GLCE: variants seen among roughly 807,000 people sequenced by gnomAD.
GLCE encodes glucuronic acid epimerase.
In GLCE, 19 loss-of-function variants were observed where a neutral mutation model predicts 47.9. The ratio of observed to expected loss-of-function variants is 0.40; its 90% CI spans 0.28 to 0.58. The LOEUF (loss-of-function observed/expected upper bound fraction) is 0.58, where lower values mean the gene tolerates loss of function less well. Ranked by LOEUF, GLCE falls within the 20% of genes least tolerant of loss-of-function variation. GLCE has a pLI of 0.48. For missense variants in GLCE, 556 were observed against 743.3 expected, an observed-to-expected ratio of 0.75 and a Z score of 2.93; for synonymous variants, 245 against 263.4, an observed-to-expected ratio of 0.93 and a Z score of 0.68.
chr15:69,164,196 T>A (rs919396282), intron 1 of GLCE, among the ~76,000 whole-genome samples: 1 of 152,136 alleles, frequency 6.6e-6, no homozygotes, highest in Non-Finnish European at 1.5e-5. Context: ...ATATTTTGCT[T>A]GTGAAGCATA....
chr15:69,167,494 C>A (rs1194079590), intron 1 of GLCE, among the ~76,000 whole-genome samples: 4 of 152,160 alleles, frequency 2.6e-5, no homozygotes, highest in Non-Finnish European at 5.9e-5. Flanking sequence ...GTTTACTGAT[C>A]TTATGCCTGC....
In GLCE at chr15:69,223,321, G is replaced by A. The variant is rs149214105; in HGVS notation, c.-14+12915G>A. 2.6e-4 allele frequency among the ~76,000 whole-genome samples: 40 copies of A among 152,090 alleles called. 1 individual carries two copies. The South Asian group carries it at 6.2e-3, about 24-fold the overall frequency. ...TTCACCTTTGAAGGACACTTTTGCC[G>A]GATATAGGATTCTTGTTTGACAGAT... On this transcript the variant is annotated intron_variant, in intron 2 of 4. Coordinates refer to ENST00000261858, the MANE Select transcript of GLCE (RefSeq NM_015554.3).
At chr15:69,243,668 G>A (rs996079333) in intron 2 of GLCE, among the ~76,000 whole-genome samples, 1 of 151,102 alleles carries the variant, frequency 6.6e-6, no homozygotes, top group African/African-American at 2.4e-5. Flanking sequence ...ATTACAATCT[G>A]TATTCAAGAT....
At chr15:69,260,850 C>T (rs1007737115) in intron 3 of GLCE, 9 of 456,282 alleles carry the variant, frequency 2.0e-5, no homozygotes, top group African/African-American at 7.7e-5. Flanking sequence ...TAATTTATAG[C>T]GTTGCACTAT....
chr15:69,215,043 A>G (rs369329272), intron 2 of GLCE, among the ~76,000 whole-genome samples: 2 of 152,152 alleles, frequency 1.3e-5, no homozygotes, highest in African/African-American at 4.8e-5. Context: ...GTCACAGTTC[A>G]CATTCCATCT....
In GLCE at chr15:69,261,328, AG is replaced by A; in HGVS notation, c.829+1del. ...FTNVKQFIAP[E>X]TSEGVSLQLG... ...CCAATGTCAAACAGTTTATTGCACC[AG>A]GTAAGTTATGTATTATATGTGCCTG... On this transcript the variant is annotated frameshift_variant and splice_region_variant, in exon 4 of 5. Coordinates refer to ENST00000261858, the MANE Select transcript of GLCE (RefSeq NM_015554.3). LOFTEE classifies it high-confidence loss of function. 1 of 1,613,404 alleles carries A rather than the reference AG, an allele frequency of 6.2e-7. No homozygotes were observed.
At position 69,212,660 on chromosome 15, in the gene GLCE, A is replaced by G. The variant is rs185924354; in HGVS notation, c.-14+2254A>G. 5.8e-4 allele frequency among the ~76,000 whole-genome samples: 88 copies of G among 152,234 alleles called. 1 individual carries two copies. The highest frequency in any genetic ancestry group is 3.7e-3 in the Admixed American group (56 of 15,268). ...TGTCTTTGAAGGTATTCAGACTAAA[A>G]GAGAATGTCAGCTTTTTAACTTTGT... On this transcript the variant is annotated intron_variant, in intron 2 of 4. Coordinates refer to ENST00000261858, the MANE Select transcript of GLCE (RefSeq NM_015554.3).
chr15:69,237,261 A>G (rs116553978), intron 2 of GLCE, among the ~76,000 whole-genome samples: 309 of 152,212 alleles, frequency 2.0e-3, no homozygotes, highest in African/African-American at 7.0e-3. Flanking sequence ...TCAAAACTGC[A>G]TTCTATATAA....
intron 1 of GLCE, among the ~76,000 whole-genome samples, chr15:69,190,249 A>C (rs1396443199): frequency 6.6e-6 from 1 of 152,112 alleles, no homozygotes; most frequent in Non-Finnish European, 1.5e-5. Context: ...GTGTACTTGA[A>C]AAGATGTGTA....
chr15:69,210,652 G>C (rs935729307), intron 2 of GLCE, among the ~76,000 whole-genome samples: 2 of 152,042 alleles, frequency 1.3e-5, no homozygotes, highest in Non-Finnish European at 2.9e-5. Context: ...AATAGCTAAT[G>C]TTCCTTGTAA....
At chr15:69,189,817 T>A (rs2051886915) in intron 1 of GLCE, among the ~76,000 whole-genome samples, 1 of 151,438 alleles carries the variant, frequency 6.6e-6, no homozygotes, top group Non-Finnish European at 1.5e-5. Context: ...CTCTTTCTAA[T>A]TTTTTTTTAA....
chr15:69,189,200 C>G (rs375567482), intron 1 of GLCE, among the ~76,000 whole-genome samples: 61 of 152,304 alleles, frequency 4.0e-4, no homozygotes, highest in African/African-American at 1.5e-3. Context: ...ATCCCTACCT[C>G]CCAGTTAACC....
chr15:69,264,833 C>T (rs904190465), intron 4 of GLCE, among the ~76,000 whole-genome samples: 3 of 151,970 alleles, frequency 2.0e-5, no homozygotes, highest in Non-Finnish European at 2.9e-5. Flanking sequence ...TTTGGCCACT[C>T]GTGTCTTCTT....
intron 3 of GLCE, among the ~76,000 whole-genome samples, chr15:69,257,823 T>G (rs1014005410): frequency 6.6e-6 from 1 of 152,050 alleles, no homozygotes; most frequent in African/African-American, 2.4e-5. Context: ...AATAGAGATT[T>G]CAAAGATATT....
At chr15:69,253,822 A>G (rs1381357931) in intron 2 of GLCE, among the ~76,000 whole-genome samples, 1 of 152,198 alleles carries the variant, frequency 6.6e-6, no homozygotes, top group African/African-American at 2.4e-5. Context: ...TAACAGACTG[A>G]AATCAAACCC....
chr15:69,194,870 G>A (rs8043162), intron 1 of GLCE, among the ~76,000 whole-genome samples: 18,535 of 152,054 alleles, frequency 0.12, 1,188 homozygotes, highest in East Asian at 0.15. Flanking sequence ...ATTGGAATGT[G>A]AAAATCTCTA....
intron 2 of GLCE, among the ~76,000 whole-genome samples, chr15:69,248,705 A>G (rs993351051): frequency 5.9e-5 from 9 of 152,074 alleles, no homozygotes; most frequent in South Asian, 2.1e-4. Context: ...GCTCACGGCA[A>G]TTCTCCTGCC....
chr15:69,179,596 C>T (rs1296056444), intron 1 of GLCE, among the ~76,000 whole-genome samples: 1 of 152,194 alleles, frequency 6.6e-6, no homozygotes, highest in African/African-American at 2.4e-5. Context: ...AGTCATATCT[C>T]TCATCCTAAC....
chr15:69,251,121 C>G (rs2052838604), intron 2 of GLCE, among the ~76,000 whole-genome samples: 1 of 152,150 alleles, frequency 6.6e-6, no homozygotes. Context: ...TGCAGGATGT[C>G]TCACCTTCTA....
Sources: allele counts gnomAD v4.1 joint callset (sites outside exome capture counted in the v4.1 genomes callset), GRCh38; gene constraint gnomAD v4.1.1; transcripts MANE v1.5; gene names NCBI Gene and HGNC (gene_info 2026-07-23, HGNC 2026-07-21).